COPB1: variants seen among roughly 807,000 people sequenced by gnomAD.
The protein encoded by COPB1 is coatomer subunit beta.
Under a neutral mutation model 108.7 loss-of-function variants are expected in COPB1, and 21 were observed. The ratio of observed to expected loss-of-function variants is 0.19; its 90% CI spans 0.14 to 0.28. The LOEUF (loss-of-function observed/expected upper bound fraction) is 0.28, where lower values mean the gene tolerates loss of function less well. Ranked by LOEUF, COPB1 falls within the 10% of genes least tolerant of loss-of-function variation. The probability of loss-of-function intolerance (pLI) is 1.00; values close to 1 mark genes in which losing one functional copy is unlikely to be tolerated. For synonymous variants in COPB1, 378 were observed against 386.8 expected, an observed-to-expected ratio of 0.98 and a Z score of 0.27; for missense variants, 919 against 1,141.3, an observed-to-expected ratio of 0.81 and a Z score of 2.81.
intron 3 of COPB1, 132 bp from the exon 4 acceptor site, chr11:14,493,943 T>C: frequency 1.1e-6 from 1 of 876,112 alleles, no homozygotes; most frequent in South Asian, 2.0e-5. Flanking sequence ...TTCCATCATA[T>C]TCTTGTTGAC....
At chr11:14,457,991 T>C in intron 21 of COPB1, 108 bp from the exon 22 acceptor site, 1 of 572,122 alleles carries the variant, frequency 1.7e-6, no homozygotes, top group South Asian at 2.8e-5. Flanking sequence ...TTATCAACAA[T>C]AAAATCAAGG....
At chr11:14,481,650 G>C (rs1207161190) in intron 8 of COPB1, among the ~76,000 whole-genome samples, 2 of 152,166 alleles carry the variant, frequency 1.3e-5, no homozygotes, top group Non-Finnish European at 2.9e-5. Flanking sequence ...CGTTAAATGT[G>C]ATATTATTTG....
rs1332404937 is a variant in COPB1, at chr11:14,460,304, A to C, written c.2557-7T>G. On this transcript the variant is annotated splice_polypyrimidine_tract_variant and splice_region_variant and intron_variant, in intron 19 of 21. Coordinates refer to ENST00000439561, the MANE Select transcript of COPB1 (RefSeq NM_001144061.2). ...TGTTGGTGTTAACTGTCACCTGTAG[A>C]GAGGAAAAAAAAGTCAAGGAGATCA... The C allele has an allele frequency of 9.5e-6, 15 of 1,572,570 alleles. 1 individual carries two copies. Among genetic ancestry groups the C allele is most frequent in the Non-Finnish European group, 1.3e-5 (15 of 1,151,366 alleles).
At chr11:14,480,315 A>T (rs975147181) in intron 10 of COPB1, among the ~76,000 whole-genome samples, 3 of 152,236 alleles carry the variant, frequency 2.0e-5, no homozygotes, top group African/African-American at 7.2e-5. Context: ...TTTTAGAGAG[A>T]ACTCAAGAGC....
Position 14,482,137 on chromosome 11 carries a change from G to C in COPB1, c.957+895C>G, listed in dbSNP as rs187292516. Reference sequence around the variant, plus strand: ...GATAATTTTAGTGTATCTCTCTCAAGGGTAAGGATAATTTCTTATATAACC... The same window carrying C: ...GATAATTTTAGTGTATCTCTCTCAACGGTAAGGATAATTTCTTATATAACC... On this transcript the variant is annotated intron_variant, in intron 8 of 21. Coordinates refer to ENST00000439561, the MANE Select transcript of COPB1 (RefSeq NM_001144061.2). Among the ~76,000 whole-genome samples the C allele has an allele frequency of 1.1e-4, 17 of 152,184 alleles. 1 individual carries two copies. In the East Asian group the frequency reaches 3.3e-3, roughly 29 times the overall value.
intron 17 of COPB1, among the ~76,000 whole-genome samples, chr11:14,465,336 C>T (rs1339871910): frequency 6.6e-6 from 1 of 151,910 alleles, no homozygotes; most frequent in African/African-American, 2.4e-5. Context: ...TTTGAGCCTA[C>T]CATTTATTTA....
chr11:14,475,562 A>G (rs1850503712), intron 13 of COPB1, among the ~76,000 whole-genome samples: 1 of 152,230 alleles, frequency 6.6e-6, no homozygotes, highest in African/African-American at 2.4e-5. Flanking sequence ...TTTAAACAGA[A>G]CAGTTATTTC....
At chr11:14,491,494 A>G (rs1200653967) in intron 4 of COPB1, among the ~76,000 whole-genome samples, 1 of 152,022 alleles carries the variant, frequency 6.6e-6, no homozygotes, top group African/African-American at 2.4e-5. Flanking sequence ...ACATGGAGAA[A>G]CTCCATCTCT....
At chr11:14,489,670 C>G (rs978265327) in intron 5 of COPB1, among the ~76,000 whole-genome samples, 1 of 151,976 alleles carries the variant, frequency 6.6e-6, no homozygotes, top group Non-Finnish European at 1.5e-5. Context: ...AATACTTAGT[C>G]AAAATCACAG....
intron 19 of COPB1, 59 bp from the exon 20 acceptor site, chr11:14,460,356 A>G (rs1010595917): frequency 2.9e-6 from 3 of 1,049,480 alleles, no homozygotes; most frequent in Non-Finnish European, 4.3e-6. Flanking sequence ...AAAGCTGTGA[A>G]TCACCAGTAT....
chr11:14,476,782 T>A (rs1386622282), intron 12 of COPB1, 137 bp downstream of exon 12: 38 of 450,058 alleles, frequency 8.4e-5, no homozygotes, highest in South Asian at 5.4e-4. Flanking sequence ...TTTTTTTTTT[T>A]AATAAACACA....
rs553003835 is a variant in COPB1 at position 14,477,508 on chromosome 11, AT to A, written c.1359-494del. 7.6e-4 allele frequency among the ~76,000 whole-genome samples: 115 copies of A among 152,082 alleles called. No homozygotes were observed. The Middle Eastern group carries it at 0.01, about 13-fold the overall frequency. ...GGAGCTCAAAACCAGCCTGGGCAACATGGTGAAACCCCATCTCTACTAAAAA... is the reference window on the plus strand; with the variant it reads ...GGAGCTCAAAACCAGCCTGGGCAACAGGTGAAACCCCATCTCTACTAAAAA... On this transcript the variant is annotated intron_variant, in intron 11 of 21. Coordinates refer to ENST00000439561, the MANE Select transcript of COPB1 (RefSeq NM_001144061.2).
At position 14,468,837 on chromosome 11, in the gene COPB1, C is replaced by T; in HGVS notation, c.1989G>A (p.Val663=). Residue 663 remains valine, a synonymous_variant, in exon 16 of 22, where the codon GTG becomes GTA. Coordinates refer to ENST00000439561, the MANE Select transcript of COPB1 (RefSeq NM_001144061.2). ...SQKKESEKRN[V]TVQPDDPISF... is the part of the protein sequence containing the mutation. ...AAATGGGGTCATCAGGCTGTACTGTCACATTCCTCTTTTCAGATTCTTTCT... is the reference window on the plus strand; with the variant it reads ...AAATGGGGTCATCAGGCTGTACTGTTACATTCCTCTTTTCAGATTCTTTCT... The T allele has an allele frequency of 6.2e-7, 1 of 1,613,822 alleles. No individual in the cohort carries two copies. Among genetic ancestry groups the T allele is most frequent in the African/African-American group, 1.3e-5 (1 of 75,038 alleles).
At chr11:14,461,847 C>G (rs1033101772) in intron 18 of COPB1, among the ~76,000 whole-genome samples, 8 of 152,154 alleles carry the variant, frequency 5.3e-5, no homozygotes, top group Non-Finnish European at 1.0e-4. Flanking sequence ...TCCAGGACCC[C>G]CTATGGATAC....
chr11:14,494,541 T>G, intron 2 of COPB1, 102 bp from the exon 3 acceptor site: 1 of 670,290 alleles, frequency 1.5e-6, no homozygotes, highest in Non-Finnish European at 2.5e-6. Context: ...CCTTCTTACT[T>G]CAGTATCAGC....
intron 2 of COPB1, among the ~76,000 whole-genome samples, chr11:14,497,725 A>G (rs563271045): frequency 3.0e-4 from 45 of 152,358 alleles, no homozygotes; most frequent in African/African-American, 8.9e-4. Context: ...AGTACATCAA[A>G]GAGATATCTG....
intron 2 of COPB1, 38 bp downstream of exon 2, chr11:14,498,799 CT>C: frequency 1.3e-6 from 2 of 1,484,708 alleles, no homozygotes; most frequent in South Asian, 1.3e-5. Flanking sequence ...TTTGTTTTTT[CT>C]TTTTTCATTT....
chr11:14,466,955 C>A lies in COPB1; in HGVS notation c.2146-529G>T, dbSNP rs546899324. 2.0e-5 allele frequency among the ~76,000 whole-genome samples: 3 copies of A among 152,140 alleles called. No homozygotes were observed. The South Asian group carries it at 6.2e-4, about 32-fold the overall frequency. On this transcript the variant is annotated intron_variant, in intron 16 of 21. Coordinates refer to ENST00000439561, the MANE Select transcript of COPB1 (RefSeq NM_001144061.2). Reference sequence around the variant, plus strand: ...ACAAAAATAAAATTACAAATGCCCTCCCACTCCAAATTTAAACACACTGAA... The same window carrying A: ...ACAAAAATAAAATTACAAATGCCCTACCACTCCAAATTTAAACACACTGAA...
chr11:14,466,830 T>C (rs1464484924), intron 16 of COPB1, among the ~76,000 whole-genome samples: 2 of 152,148 alleles, frequency 1.3e-5, no homozygotes, highest in African/African-American at 4.8e-5. Context: ...ACTTGATCTA[T>C]GAAACTCAGG....
Sources: allele counts gnomAD v4.1 joint callset (sites outside exome capture counted in the v4.1 genomes callset), GRCh38; gene constraint gnomAD v4.1.1; transcripts MANE v1.5; gene names NCBI Gene and HGNC (gene_info 2026-07-23, HGNC 2026-07-21).